The following RBFOX1 variants were observed in gnomAD, a reference collection of about 807,000 sequenced individuals.
The protein encoded by RBFOX1 is RNA binding fox-1 homolog 1, also known as RNA binding protein fox-1 homolog 1.
A neutral mutation model predicts 57.7 loss-of-function variants in RBFOX1; 8 were observed. The observed-to-expected ratio is 0.14, with a 90% CI of 0.08 to 0.25. RBFOX1 has a LOEUF of 0.25. Among genes scored for constraint, RBFOX1 ranks in the 10% least tolerant of loss-of-function variants. RBFOX1 has a pLI of 1.00. For synonymous variants in RBFOX1, 326 were observed against 222.4 expected (o/e 1.47, Z -4.15); for missense variants, 611 against 548.5 (o/e 1.11, Z -1.14).
intron 4 of RBFOX1, among the ~76,000 whole-genome samples, chr16:7,441,605 T>G (rs547493963): frequency 6.6e-6 from 1 of 152,234 alleles, no homozygotes; most frequent in African/African-American, 2.4e-5. Flanking sequence ...TTTTGCTTTT[T>G]TCCCCCCTGT....
At chr16:6,968,689 C>T (rs1054753260) in intron 3 of RBFOX1, among the ~76,000 whole-genome samples, 4 of 152,156 alleles carry the variant, frequency 2.6e-5, no homozygotes, top group African/African-American at 9.6e-5. Context: ...GGCCTCCCAT[C>T]GAGTACACAT....
At chr16:6,970,831 G>T (rs1290854821) in intron 3 of RBFOX1, among the ~76,000 whole-genome samples, 1 of 152,156 alleles carries the variant, frequency 6.6e-6, no homozygotes, top group Non-Finnish European at 1.5e-5. Flanking sequence ...TGACTACTTG[G>T]AATATTCAGC....
intron 2 of RBFOX1, among the ~76,000 whole-genome samples, chr16:5,479,600 A>G (rs530733784): frequency 2.7e-5 from 4 of 150,770 alleles, no homozygotes; most frequent in African/African-American, 9.8e-5. Context: ...CTCTTCTAAA[A>G]ATACAAAAAT....
At chr16:7,038,263 C>G (rs1036049473) in intron 3 of RBFOX1, among the ~76,000 whole-genome samples, 1 of 151,998 alleles carries the variant, frequency 6.6e-6, no homozygotes, top group African/African-American at 2.4e-5. Flanking sequence ...GTGAGTATTG[C>G]TTGAATTTTC....
intron 3 of RBFOX1, among the ~76,000 whole-genome samples, chr16:6,790,990 C>T (rs1023272372): frequency 6.6e-6 from 1 of 151,954 alleles, no homozygotes; most frequent in African/African-American, 2.4e-5. Flanking sequence ...ACTGCGTCTT[C>T]TGGCTCTCAG....
intron 3 of RBFOX1, among the ~76,000 whole-genome samples, chr16:6,793,498 T>C (rs934742841): frequency 2.6e-5 from 4 of 152,192 alleles, no homozygotes; most frequent in African/African-American, 9.6e-5. Context: ...CCTGAGTGTT[T>C]TGACATTTTG....
intron 4 of RBFOX1, among the ~76,000 whole-genome samples, chr16:7,108,824 C>A (rs1314087198): frequency 6.6e-6 from 1 of 152,090 alleles, no homozygotes; most frequent in Non-Finnish European, 1.5e-5. Context: ...ACCTAAATCC[C>A]CGTCAAGGAT....
chr16:5,592,168 G>GT (rs80238572), intron 2 of RBFOX1, among the ~76,000 whole-genome samples: 34,237 of 152,010 alleles, frequency 0.23, 4,597 homozygotes, highest in African/African-American at 0.37. Flanking sequence ...TCCTTTGCTT[G>GT]TTTTTTTCTA....
At chr16:6,673,002 T>C (rs2098776950) in intron 3 of RBFOX1, among the ~76,000 whole-genome samples, 1 of 152,090 alleles carries the variant, frequency 6.6e-6, no homozygotes, top group Non-Finnish European at 1.5e-5. Flanking sequence ...GCCAGTGCAA[T>C]GCTAACAATA....
intron 2 of RBFOX1, among the ~76,000 whole-genome samples, chr16:6,607,831 C>A (rs1236760795): frequency 6.6e-6 from 1 of 152,150 alleles, no homozygotes; most frequent in African/African-American, 2.4e-5. Context: ...AATGGGAGAA[C>A]AAACTTAACA....
chr16:7,520,341 G>A (rs963537512), intron 5 of RBFOX1, among the ~76,000 whole-genome samples: 1 of 152,040 alleles, frequency 6.6e-6, no homozygotes, highest in Non-Finnish European at 1.5e-5. Context: ...TCACAATGTA[G>A]TGCAAAACCA....
chr16:5,254,710 G>A (rs371660137), intron 1 of RBFOX1, among the ~76,000 whole-genome samples: 7 of 152,272 alleles, frequency 4.6e-5, no homozygotes, highest in East Asian at 1.9e-4. Flanking sequence ...CAGTTCCAGC[G>A]TTTAGTGAGG....
intron 3 of RBFOX1, among the ~76,000 whole-genome samples, chr16:6,849,744 A>G (rs2093965874): frequency 1.3e-5 from 2 of 152,150 alleles, no homozygotes; most frequent in Admixed American, 6.6e-5. Context: ...CCTACATCCC[A>G]CATATCCCTA....
chr16:6,224,284 A>C lies in RBFOX1; in HGVS notation c.-126-92711A>C, dbSNP rs2097399699. ...TGATGGGGATGGCATTGAATCTATA[A>C]ATTACCTTGGGCAGTATGGCCATTT... is the stretch of plus-strand genomic sequence containing the variant. On this transcript the variant is annotated intron_variant, in intron 1 of 15. Transcript: ENST00000550418. Among the ~76,000 whole-genome samples, 3 of 152,064 alleles carry C rather than the reference A, an allele frequency of 2.0e-5. No individual in the cohort carries two copies. In the South Asian group the frequency reaches 6.2e-4, roughly 32 times the overall value.
intron 3 of RBFOX1, among the ~76,000 whole-genome samples, chr16:5,611,789 T>TCCAC (rs1433857998): frequency 1.1e-3 from 117 of 106,446 alleles, no homozygotes; most frequent in South Asian, 5.5e-3. Context: ...CATCCATCCA[T>TCCAC]CCATCCACCC....
At position 5,329,086 on chromosome 16, in the gene RBFOX1, G is replaced by A. The variant is rs117275995; in HGVS notation, c.219+88981G>A. Among the ~76,000 whole-genome samples, 402 of 152,228 alleles carry A rather than the reference G, an allele frequency of 2.6e-3. 8 individuals are homozygous for A. The highest frequency in any genetic ancestry group is 0.02 in the East Asian group (104 of 5,182). On this transcript the variant is annotated intron_variant, in intron 1 of 2. Coordinates refer to the RBFOX1 transcript ENST00000585867. ...ATATATTGTTTTATTTGATTCTCAC[G>A]AATCCCATGGAGTAGTTTCCGTTAT...
At chr16:6,552,933 T>C (rs897220284) in intron 2 of RBFOX1, among the ~76,000 whole-genome samples, 2 of 152,154 alleles carry the variant, frequency 1.3e-5, no homozygotes, top group Non-Finnish European at 2.9e-5. Flanking sequence ...CTGGTATCTA[T>C]GTTACAATCT....
intron 1 of RBFOX1, among the ~76,000 whole-genome samples, chr16:6,193,356 T>TTTTA (rs1439344922): frequency 6.2e-5 from 4 of 64,584 alleles, no homozygotes; most frequent in African/African-American, 1.8e-4. Flanking sequence ...TATATATACA[T>TTTTA]TATATATATA....
chr16:7,709,499 A>G (rs1412545628), intron 15 of RBFOX1: 4 of 1,500,856 alleles, frequency 2.7e-6, no homozygotes, highest in African/African-American at 2.8e-5. Context: ...CATAGCCCCA[A>G]GGTTCCAGCC....
Sources: gnomAD v4.1 joint callset for allele counts (sites outside exome capture counted in the v4.1 genomes callset) on GRCh38, gnomAD v4.1.1 for gene constraint, MANE v1.5 for transcripts, NCBI Gene and HGNC (gene_info 2026-07-23, HGNC 2026-07-21) for gene names.